The following ANTXR2 variants were observed in gnomAD, a reference collection of about 807,000 sequenced individuals.
ANTXR2 encodes ANTXR cell adhesion molecule 2, also known as anthrax toxin receptor 2.
Under a neutral mutation model 73.7 loss-of-function variants are expected in ANTXR2, and 44 were observed. The ratio of observed to expected loss-of-function variants is 0.60; its 90% CI spans 0.47 to 0.77. ANTXR2 has a LOEUF of 0.77. Ranked by LOEUF, ANTXR2 falls within the 30% of genes least tolerant of loss-of-function variation. ANTXR2 has a pLI of 0.00. For missense variants in ANTXR2, 604 were observed against 592.5 expected (o/e 1.02, Z -0.20); for synonymous variants, 217 against 205.9 (o/e 1.05, Z -0.46).
intron 16 of ANTXR2, among the ~76,000 whole-genome samples, chr4:79,947,591 A>C (rs1728563290): frequency 6.6e-6 from 1 of 152,142 alleles, no homozygotes; most frequent in Admixed American, 6.6e-5. Context: ...ACAGACAATA[A>C]ATCTTTAGTG....
chr4:80,054,477 T>A (rs1733902186), intron 6 of ANTXR2, 125 bp from the exon 7 acceptor site: 6 of 669,568 alleles, frequency 9.0e-6, no homozygotes, highest in Non-Finnish European at 1.5e-5. Flanking sequence ...ACCAGCGTGA[T>A]CTGTGTTCAA....
intron 11 of ANTXR2, among the ~76,000 whole-genome samples, chr4:80,014,232 T>A (rs2110063395): frequency 6.6e-6 from 1 of 152,264 alleles, no homozygotes; most frequent in Non-Finnish European, 1.5e-5. Context: ...GGATTTCTTC[T>A]AACTGTGGGT....
At chr4:79,919,914 TATATATAAA>T (rs1727525386) in intron 16 of ANTXR2, among the ~76,000 whole-genome samples, 10 of 17,238 alleles carry the variant, frequency 5.8e-4, no homozygotes, top group African/African-American at 1.3e-3. Context: ...TATATATATA[TATATATAAA>T]AAATGATAGG....
intron 15 of ANTXR2, 56 bp from the exon 16 acceptor site, chr4:79,977,757 T>C: frequency 2.7e-6 from 4 of 1,458,190 alleles, no homozygotes; most frequent in Middle Eastern, 1.7e-4. Context: ...CTCTATGTAC[T>C]GAATAAATGA....
chr4:79,936,192 A>T (rs907264792), intron 16 of ANTXR2, among the ~76,000 whole-genome samples: 2 of 152,240 alleles, frequency 1.3e-5, no homozygotes, highest in African/African-American at 2.4e-5. Context: ...AAGGGTTCAG[A>T]TGTTTTAATC....
At chr4:79,980,921 T>TAAA (rs11397721) in intron 14 of ANTXR2, among the ~76,000 whole-genome samples, 1 of 137,570 alleles carries the variant, frequency 7.3e-6, no homozygotes, top group Admixed American at 7.1e-5. Flanking sequence ...TTAAGGGCTT[T>TAAA]AAAAAAAAAA....
chr4:80,056,930 A>T (rs948230460), intron 3 of ANTXR2, among the ~76,000 whole-genome samples: 6 of 151,954 alleles, frequency 3.9e-5, no homozygotes, highest in Non-Finnish European at 7.4e-5. Flanking sequence ...AAGTAAAATA[A>T]TGTGGCAAAA....
intron 10 of ANTXR2, among the ~76,000 whole-genome samples, chr4:80,021,199 A>G (rs985258068): frequency 6.6e-6 from 1 of 151,896 alleles, no homozygotes. Context: ...CCAGAAGAGA[A>G]TAAGAATTCC....
chr4:79,907,777 C>T lies in ANTXR2; in HGVS notation c.1429-310G>A, dbSNP rs767397657. On this transcript the variant is annotated intron_variant, in intron 16 of 16. Transcript: ENST00000403729. ...GGCCATAAAAATATCAAAGCCACAACCCAATATACTTCTTTATGTAATGAA... is the reference window on the plus strand; with the variant it reads ...GGCCATAAAAATATCAAAGCCACAATCCAATATACTTCTTTATGTAATGAA... Among the ~76,000 whole-genome samples, 9 of 152,086 alleles carry T rather than the reference C, an allele frequency of 5.9e-5. 1 individual carries two copies. Among genetic ancestry groups the T allele is most frequent in the South Asian group, 4.1e-4 (2 of 4,828 alleles).
chr4:79,982,503 G>A (rs1274406581), intron 14 of ANTXR2, among the ~76,000 whole-genome samples: 1 of 152,072 alleles, frequency 6.6e-6, no homozygotes, highest in Non-Finnish European at 1.5e-5. Context: ...TATACATATA[G>A]GAACATCCTA....
At chr4:79,944,678 T>C (rs1728449809) in intron 16 of ANTXR2, among the ~76,000 whole-genome samples, 2 of 152,128 alleles carry the variant, frequency 1.3e-5, no homozygotes, top group Admixed American at 6.6e-5. Context: ...GGTACACATA[T>C]ATTTGTGAGT....
chr4:79,999,888 A>G (rs1730937060), intron 12 of ANTXR2, among the ~76,000 whole-genome samples: 1 of 151,818 alleles, frequency 6.6e-6, no homozygotes, highest in Non-Finnish European at 1.5e-5. Flanking sequence ...ATGTCACTGC[A>G]CTCCAGCCTG....
chr4:80,071,132 T>C (rs1197129990), intron 2 of ANTXR2, among the ~76,000 whole-genome samples: 2 of 152,228 alleles, frequency 1.3e-5, no homozygotes, highest in African/African-American at 4.8e-5. Flanking sequence ...ACAAGTGCCT[T>C]TTCTGGTAGC....
chr4:80,052,445 A>G (rs980093198), intron 7 of ANTXR2, among the ~76,000 whole-genome samples: 2 of 151,658 alleles, frequency 1.3e-5, no homozygotes, highest in African/African-American at 2.4e-5. Context: ...CAAACTATCA[A>G]TCACGTTGAT....
At chr4:80,067,635 T>C (rs1482033164) in intron 3 of ANTXR2, among the ~76,000 whole-genome samples, 1 of 152,210 alleles carries the variant, frequency 6.6e-6, no homozygotes, top group South Asian at 2.1e-4. Context: ...TCACTGAGCA[T>C]AGAAAGCTGC....
At chr4:79,916,588 G>A (rs1317689546) in intron 16 of ANTXR2, among the ~76,000 whole-genome samples, 1 of 151,970 alleles carries the variant, frequency 6.6e-6, no homozygotes, top group Non-Finnish European at 1.5e-5. Flanking sequence ...TAAAAAAACA[G>A]AAAGCAATTT....
rs949316616 is a variant in ANTXR2 at position 79,921,767 on chromosome 4, GGTTT to G, written c.1429-14304_1429-14301del. Among the ~76,000 whole-genome samples the G allele has an allele frequency of 1.2e-3, 168 of 139,008 alleles. No homozygotes were observed. The Middle Eastern group carries it at 0.018, about 15-fold the overall frequency. 91.2% of individuals were successfully genotyped at this position (139,008 alleles called of 152,430 possible). On this transcript the variant is annotated intron_variant, in intron 16 of 16. Transcript: ENST00000403729. ...TTGTTTGTTTGTTGGTTGGTTGGTT[GGTTT>G]GTTTTTCACCACAGCAAGTGTTTAG...
chr4:80,021,140 A>G (rs56716169), intron 10 of ANTXR2, among the ~76,000 whole-genome samples: 13,005 of 117,638 alleles, frequency 0.11, 707 homozygotes, highest in Middle Eastern at 0.29. Context: ...ACAGAGCGAG[A>G]CTCCATCTCA....
At chr4:80,061,584 G>A (rs527522814) in intron 3 of ANTXR2, among the ~76,000 whole-genome samples, 13 of 152,036 alleles carry the variant, frequency 8.6e-5, no homozygotes, top group Admixed American at 7.9e-4. Flanking sequence ...TTCTTTTAGG[G>A]TAAAATTTAA....
Sources: gnomAD v4.1 joint callset for allele counts (sites outside exome capture counted in the v4.1 genomes callset) on GRCh38, gnomAD v4.1.1 for gene constraint, MANE v1.5 for transcripts, NCBI Gene and HGNC (gene_info 2026-07-23, HGNC 2026-07-21) for gene names.